NUP153: variants seen among roughly 807,000 people sequenced by gnomAD.
NUP153 encodes the protein nucleoporin 153, also known as nuclear pore complex protein Nup153.
A neutral mutation model predicts 134.6 loss-of-function variants in NUP153; 27 were observed. The observed-to-expected ratio is 0.20, with a 90% CI of 0.15 to 0.28. NUP153 has a LOEUF of 0.28. Among genes scored for constraint, NUP153 ranks in the 10% least tolerant of loss-of-function variants. NUP153 has a pLI of 1.00. For missense variants in NUP153, 1,821 were observed against 1,731.3 expected (o/e 1.05, Z -0.92); for synonymous variants, 640 against 623.5 (o/e 1.03, Z -0.40).
chr6:17,628,767 C>A lies in NUP153; in HGVS notation c.3432G>T (p.Glu1144Asp). 6.2e-7 allele frequency: 1 copy of A among 1,614,112 alleles called. No homozygotes were observed. The highest frequency in any genetic ancestry group is 8.5e-7 in the Non-Finnish European group (1 of 1,180,002). Residue 1144 changes from glutamate to aspartate, a missense_variant, in exon 18 of 22, where the codon GAG (glutamate) becomes GAT (aspartate). Transcript: ENST00000262077. The surrounding 1 kb of genome is among the most constrained non-coding windows in gnomAD (Gnocchi z 5.4). ...AACTAAATGTGGACTTTGAAGAATT[C>A]TCATCTTTGGTTTGCTCTGAATTCC... ...SFGNSEQTKD[E>D]NSSKSTFSFS...
rs547437062 is a variant in NUP153 at position 17,663,346 on chromosome 6, C to T, written c.1216-1276G>A. Among the ~76,000 whole-genome samples, 7 of 151,990 alleles carry T rather than the reference C, an allele frequency of 4.6e-5. No homozygotes were observed. In the East Asian group the frequency reaches 7.7e-4, roughly 17 times the overall value. On this transcript the variant is annotated intron_variant, in intron 9 of 21. Coordinates refer to ENST00000262077, the MANE Select transcript of NUP153 (RefSeq NM_005124.4). ...GTGCTATCACAGTTCACTTTAGCCT[C>T]GAACTCCTGGGCTCTCACGTGATCC...
chr6:17,616,282 T>TGGGGGGGGG, intron 21 of NUP153, 101 bp from the exon 22 acceptor site: 1 of 332,090 alleles, frequency 3.0e-6, no homozygotes, highest in Non-Finnish European at 5.4e-6. Context: ...GGGGGTCGGG[T>TGGGGGGGGG]GGGGGGGGAG....
chr6:17,616,629 A>G lies in NUP153; in HGVS notation c.4241T>C (p.Val1414Ala). The change falls in exon 21 of 22, where the codon GTG (valine) becomes GCG (alanine). Residue 1414 changes from valine to alanine, a missense_variant. Coordinates refer to ENST00000262077, the MANE Select transcript of NUP153 (RefSeq NM_005124.4). ...FNFTNNSPSG[V>A]FTFGANSSTP... Reference sequence around the variant, plus strand: ...GCTAGAATTTGCACCAAATGTGAACACTCCTGATGGACTGTTGTTTGTGAA... The same window carrying G: ...GCTAGAATTTGCACCAAATGTGAACGCTCCTGATGGACTGTTGTTTGTGAA... 2 of 1,613,806 alleles carry G rather than the reference A, an allele frequency of 1.2e-6. No individual in the cohort carries two copies. Among genetic ancestry groups the G allele is most frequent in the Non-Finnish European group, 1.7e-6 (2 of 1,179,904 alleles).
chr6:17,682,754 T>G (rs1243400678), intron 2 of NUP153, among the ~76,000 whole-genome samples: 2 of 151,646 alleles, frequency 1.3e-5, no homozygotes, highest in Non-Finnish European at 2.9e-5. Context: ...CCATCTCTAC[T>G]AAAAATACAA....
rs67348223 is a variant in NUP153, at chr6:17,693,183, TACACACACAC to T, written c.112-4575_112-4566del. Among the ~76,000 whole-genome samples, 663 of 145,922 alleles carry T rather than the reference TACACACACAC, an allele frequency of 4.5e-3. 9 individuals carry two copies. Among genetic ancestry groups the T allele is most frequent in the African/African-American group, 0.016 (622 of 39,282 alleles). On this transcript the variant is annotated intron_variant, in intron 1 of 21. Transcript: ENST00000262077. ...CTTTTCTTAAAATTTAGCTTTTTCC[TACACACACAC>T]ACACACACACACACACACACACACT...
chr6:17,660,901 T>G (rs923071523), intron 11 of NUP153, among the ~76,000 whole-genome samples: 1 of 152,124 alleles, frequency 6.6e-6, no homozygotes, highest in Non-Finnish European at 1.5e-5. Context: ...CCAAAATGTA[T>G]CCTGATGGCA....
chr6:17,665,046 C>A (rs1481232609), intron 9 of NUP153, among the ~76,000 whole-genome samples, 193 bp downstream of exon 9: 2 of 350 alleles, frequency 5.7e-3, no homozygotes, highest in Non-Finnish European at 0.019. Flanking sequence ...GAGTGAGACT[C>A]CGTCTCAAAA....
intron 1 of NUP153, among the ~76,000 whole-genome samples, chr6:17,691,231 T>C (rs1183283942): frequency 4.6e-5 from 7 of 152,196 alleles, no homozygotes; most frequent in Admixed American, 1.3e-4. Flanking sequence ...TCAATAGATC[T>C]ACAAGTAAGC....
intron 11 of NUP153, among the ~76,000 whole-genome samples, chr6:17,657,532 T>C (rs1017933213): frequency 2.0e-5 from 3 of 152,084 alleles, no homozygotes; most frequent in Non-Finnish European, 2.9e-5. Context: ...CACTCCAGCC[T>C]GGGCAACAAA....
chr6:17,706,195 G>A lies in NUP153; in HGVS notation c.111+82C>T, dbSNP rs1415530114. The A allele has an allele frequency of 1.5e-5, 17 of 1,112,376 alleles. No individual in the cohort carries two copies. Among genetic ancestry groups the A allele is most frequent in the Non-Finnish European group, 8.1e-6 (6 of 739,344 alleles). 68.9% of individuals were successfully genotyped at this position (1,112,376 alleles called of 1,614,324 possible). A position where few individuals can be genotyped will look rare whatever the true frequency, so the allele number is the denominator to read the frequency against. On this transcript the variant is annotated intron_variant, in intron 1 of 21. Coordinates refer to ENST00000262077, the MANE Select transcript of NUP153 (RefSeq NM_005124.4). The surrounding 1 kb of genome is among the most constrained non-coding windows in gnomAD (Gnocchi z 5.9). Reference sequence around the variant, plus strand: ...CAGGCCCTCCTGTCTGCTCCACGTGGGGCGCCGGGGCCTCGAACCGCCCGT... The same window carrying A: ...CAGGCCCTCCTGTCTGCTCCACGTGAGGCGCCGGGGCCTCGAACCGCCCGT...
chr6:17,706,228 A>G lies in NUP153; in HGVS notation c.111+49T>C. The G allele has an allele frequency of 6.7e-7, 1 of 1,482,224 alleles. No homozygotes were observed. The highest frequency in any genetic ancestry group is 9.4e-7 in the Non-Finnish European group (1 of 1,062,572). 91.8% of individuals were successfully genotyped at this position (1,482,224 alleles called of 1,614,324 possible). A position where few individuals can be genotyped will look rare whatever the true frequency, so the allele number is the denominator to read the frequency against. On this transcript the variant is annotated intron_variant, in intron 1 of 21. Transcript: ENST00000262077. This position sits in a 1 kb window ranked among gnomAD's most constrained non-coding sequence, Gnocchi z 5.9. The stretch of plus-strand genomic sequence containing the variant: ...GGGCCTCGAACCGCCCGTCCCCTCC[A>G]GCCGAGTTTCCCCACCCGCCAGGCC...
chr6:17,620,095 C>CAAAAAAAAAAAAA (rs58013807), intron 20 of NUP153, among the ~76,000 whole-genome samples: 1 of 63,000 alleles, frequency 1.6e-5, no homozygotes, highest in African/African-American at 7.8e-5. Context: ...AAGACACCAT[C>CAAAAAAAAAAAAA]AAAAAAAAAA....
At chr6:17,682,301 G>A (rs1313452812) in intron 2 of NUP153, among the ~76,000 whole-genome samples, 1 of 152,138 alleles carries the variant, frequency 6.6e-6, no homozygotes, top group African/African-American at 2.4e-5. Flanking sequence ...AATCTTTTAG[G>A]TGGTGTTAAC....
At chr6:17,639,875 C>T (rs1163210624) in intron 15 of NUP153, 64 bp downstream of exon 15, 1 of 1,472,004 alleles carries the variant, frequency 6.8e-7, no homozygotes, top group Non-Finnish European at 9.1e-7. Context: ...AAGTATAATA[C>T]AAAATGACAT....
chr6:17,657,367 AC>A (rs1159313495), intron 11 of NUP153, among the ~76,000 whole-genome samples: 3 of 149,306 alleles, frequency 2.0e-5, no homozygotes, highest in African/African-American at 7.4e-5. Flanking sequence ...ACATGGCAAA[AC>A]CCCGTCTCTA....
chr6:17,690,783 C>T (rs567197241), intron 1 of NUP153, among the ~76,000 whole-genome samples: 1 of 152,138 alleles, frequency 6.6e-6, no homozygotes, highest in Admixed American at 6.5e-5. Flanking sequence ...CTTAAAATAT[C>T]CTGCCAACAA....
chr6:17,632,846 T>TGGA lies in NUP153; in HGVS notation c.2465-3_2465-2insTCC. On this transcript the variant is annotated splice_polypyrimidine_tract_variant and splice_region_variant and intron_variant, in intron 16 of 21. Coordinates refer to ENST00000262077, the MANE Select transcript of NUP153 (RefSeq NM_005124.4). ...TACTTGAAGCAGGTACTGAACTTCC[T>TGGA]AAAAAAAAAAAAAAAAACGGGGAGT... 1.2e-6 allele frequency: 1 copy of TGGA among 864,580 alleles called. No individual in the cohort carries two copies. The highest frequency in any genetic ancestry group is 3.4e-5 in the East Asian group (1 of 29,302). 53.6% of individuals were successfully genotyped at this position (864,580 alleles called of 1,614,324 possible).
chr6:17,663,016 T>C (rs1030287560), intron 9 of NUP153, among the ~76,000 whole-genome samples: 1 of 152,154 alleles, frequency 6.6e-6, no homozygotes. Flanking sequence ...ATTTCTTCTT[T>C]TAGGCCAAGT....
intron 2 of NUP153, among the ~76,000 whole-genome samples, chr6:17,677,732 CTTTT>C (rs10719164): frequency 8.6e-5 from 8 of 92,774 alleles, no homozygotes; most frequent in Non-Finnish European, 1.3e-4. Flanking sequence ...TTTTTTTTTC[CTTTT>C]TTTTTTTTTT....
Sources: allele counts gnomAD v4.1 joint callset (sites outside exome capture counted in the v4.1 genomes callset), GRCh38; gene constraint gnomAD v4.1.1; non-coding constraint Gnocchi (gnomAD v3.1); transcripts MANE v1.5; gene names NCBI Gene and HGNC (gene_info 2026-07-23, HGNC 2026-07-21).